The following ADAMTS12 variants were observed in gnomAD, a reference collection of about 807,000 sequenced individuals.
ADAMTS12 encodes the protein A disintegrin and metalloproteinase with thrombospondin motifs 12.
In ADAMTS12, 118 loss-of-function variants were observed where a neutral mutation model predicts 167.8. The ratio of observed to expected loss-of-function variants is 0.70; its 90% CI spans 0.61 to 0.82. The LOEUF is 0.82. Ranked by LOEUF, ADAMTS12 falls within the 40% of genes least tolerant of loss-of-function variation. The pLI is 0.00. For missense variants in ADAMTS12, 1,916 were observed against 1,998.8 expected (o/e 0.96, Z 0.79); for synonymous variants, 704 against 716.9 (o/e 0.98, Z 0.29).
At chr5:33,616,905 A>G (rs1739048906) in intron 14 of ADAMTS12, among the ~76,000 whole-genome samples, 1 of 152,236 alleles carries the variant, frequency 6.6e-6, no homozygotes. Context: ...AGTGTTTGCC[A>G]AGCTCTATGC....
rs1313945066 is a variant in ADAMTS12 at position 33,736,021 on chromosome 5, A to T, written c.634+15383T>A. The stretch of plus-strand genomic sequence containing the variant: ...AGCTTTTAAAATGGTAATGATGATA[A>T]TAAAGGCATCCGAACAACTGTATTC... On this transcript the variant is annotated intron_variant, in intron 3 of 23. Transcript: ENST00000504830. Among the ~76,000 whole-genome samples, 23 of 151,296 alleles carry T rather than the reference A, an allele frequency of 1.5e-4. 1 individual carries two copies. The South Asian group carries it at 2.9e-3, about 19-fold the overall frequency.
chr5:33,561,309 C>T (rs1332040137), intron 19 of ADAMTS12, 130 bp from the exon 20 acceptor site: 1 of 1,183,454 alleles, frequency 8.4e-7, no homozygotes, highest in East Asian at 2.6e-5. Flanking sequence ...TTAAAAATTA[C>T]CAACACTTGG....
In ADAMTS12 at chr5:33,692,661, T is replaced by G. The variant is rs149174570; in HGVS notation, c.635-8606A>C. Among the ~76,000 whole-genome samples, 33 of 152,210 alleles carry G rather than the reference T, an allele frequency of 2.2e-4. No individual in the cohort carries two copies. The East Asian group carries it at 5.4e-3, about 25-fold the overall frequency. ...TGGGAGGCACTATCTCTTCTCAGAG[T>G]CCGTAATCCTAGGTGTGGGTTGCTT... On this transcript the variant is annotated intron_variant, in intron 3 of 23. Transcript: ENST00000504830.
At chr5:33,595,903 A>G in intron 17 of ADAMTS12, 31 bp downstream of exon 17, 1 of 1,613,282 alleles carries the variant, frequency 6.2e-7, no homozygotes, top group South Asian at 1.1e-5. Flanking sequence ...GTAGGCAGAC[A>G]CACAGAGCTC....
intron 2 of ADAMTS12, among the ~76,000 whole-genome samples, chr5:33,814,922 A>G (rs1747591692): frequency 6.6e-6 from 1 of 152,148 alleles, no homozygotes; most frequent in Non-Finnish European, 1.5e-5. Context: ...CGAATCGTAG[A>G]GTTTAGGAAA....
chr5:33,799,496 A>G (rs1329102732), intron 2 of ADAMTS12, among the ~76,000 whole-genome samples: 1 of 152,040 alleles, frequency 6.6e-6, no homozygotes, highest in Non-Finnish European at 1.5e-5. Context: ...AGTTCTTTCC[A>G]TCCATTCATC....
At chr5:33,804,857 G>C (rs753657138) in intron 2 of ADAMTS12, among the ~76,000 whole-genome samples, 1 of 152,104 alleles carries the variant, frequency 6.6e-6, no homozygotes, top group Non-Finnish European at 1.5e-5. Context: ...GAGGTGAAGA[G>C]ATAGAACATT....
At chr5:33,587,739 C>T (rs959214742) in intron 18 of ADAMTS12, among the ~76,000 whole-genome samples, 1 of 152,136 alleles carries the variant, frequency 6.6e-6, no homozygotes, top group Non-Finnish European at 1.5e-5. Context: ...GGTGCCTGTC[C>T]AGTGGTAGCA....
rs1743791696 is a variant in ADAMTS12 at position 33,525,949 on chromosome 5, T to C, written c.*1239A>G. On this transcript the variant is annotated 3_prime_UTR_variant, in exon 24 of 24. Transcript: ENST00000504830. ...TGACTTCTGGTGGGAGGTAGGAACA[T>C]CCAGAACAAGCATTCTAACTTTCAT... is the stretch of plus-strand genomic sequence containing the variant. 1 of 152,210 alleles carries C rather than the reference T, an allele frequency of 6.6e-6. No homozygotes were observed. Among genetic ancestry groups the C allele is most frequent in the South Asian group, 2.1e-4 (1 of 4,832 alleles). The allele number at this position is 152,210 out of a possible 1,614,324, so 9.4% of individuals were successfully genotyped here.
At chr5:33,779,557 G>C (rs1746047404) in intron 2 of ADAMTS12, among the ~76,000 whole-genome samples, 1 of 152,134 alleles carries the variant, frequency 6.6e-6, no homozygotes, top group African/African-American at 2.4e-5. Flanking sequence ...AGCCATGACA[G>C]GGAATCAACC....
chr5:33,697,597 T>G (rs1742830369), intron 3 of ADAMTS12, among the ~76,000 whole-genome samples: 1 of 152,214 alleles, frequency 6.6e-6, no homozygotes, highest in Non-Finnish European at 1.5e-5. Context: ...TTTTAGCGTT[T>G]GTTAGATGCC....
chr5:33,672,362 A>C (rs1178999253), intron 5 of ADAMTS12, among the ~76,000 whole-genome samples: 4 of 151,962 alleles, frequency 2.6e-5, no homozygotes, highest in African/African-American at 9.7e-5. Context: ...CCACATACAT[A>C]CACACATACC....
chr5:33,706,514 G>T (rs1458948597), intron 3 of ADAMTS12, among the ~76,000 whole-genome samples: 4 of 152,058 alleles, frequency 2.6e-5, no homozygotes, highest in African/African-American at 9.7e-5. Flanking sequence ...GACTAGGATT[G>T]CAACCCCTCT....
At chr5:33,734,558 C>T (rs1371835593) in intron 3 of ADAMTS12, among the ~76,000 whole-genome samples, 4 of 152,162 alleles carry the variant, frequency 2.6e-5, no homozygotes, top group Non-Finnish European at 5.9e-5. Context: ...CTGTGCTAAA[C>T]ATAATATAGC....
At chr5:33,674,327 A>T (rs79369771) in intron 5 of ADAMTS12, among the ~76,000 whole-genome samples, 7,168 of 152,284 alleles carry the variant, frequency 0.047, 220 homozygotes, top group African/African-American at 0.085. Context: ...TGCAATAATA[A>T]TTCCAGTGCC....
At chr5:33,879,569 C>A (rs1048816758) in intron 2 of ADAMTS12, among the ~76,000 whole-genome samples, 40 of 152,044 alleles carry the variant, frequency 2.6e-4, no homozygotes, top group African/African-American at 9.4e-4. Context: ...TGATGAGGCC[C>A]AGAGAGAAGA....
intron 5 of ADAMTS12, among the ~76,000 whole-genome samples, chr5:33,672,540 G>A (rs1332451411): frequency 6.6e-6 from 1 of 152,212 alleles, no homozygotes; most frequent in Non-Finnish European, 1.5e-5. Flanking sequence ...TCCCTGGCAA[G>A]GGCACACTGT....
At chr5:33,795,053 C>T (rs1746720156) in intron 2 of ADAMTS12, among the ~76,000 whole-genome samples, 1 of 152,200 alleles carries the variant, frequency 6.6e-6, no homozygotes, top group Non-Finnish European at 1.5e-5. Context: ...GTCACAAGAA[C>T]AGACTTACGT....
intron 13 of ADAMTS12, among the ~76,000 whole-genome samples, chr5:33,630,438 CTA>C (rs1260119417): frequency 6.6e-6 from 1 of 152,138 alleles, no homozygotes; most frequent in Non-Finnish European, 1.5e-5. Context: ...ACCATAGAAA[CTA>C]TTATTAATTT....
Sources: gnomAD v4.1 joint callset for allele counts (sites outside exome capture counted in the v4.1 genomes callset) on GRCh38, gnomAD v4.1.1 for gene constraint, MANE v1.5 for transcripts, NCBI Gene and HGNC (gene_info 2026-07-23, HGNC 2026-07-21) for gene names.